The following IGFN1 variants were observed in gnomAD, a reference collection of about 807,000 sequenced individuals.
IGFN1 encodes the protein immunoglobulin like and fibronectin type III domain containing 1, also known as immunoglobulin-like and fibronectin type III domain-containing protein 1.
IGFN1 carries 253 observed loss-of-function variants against 289.5 expected under a neutral mutation model. That is an observed-to-expected ratio of 0.87 (90% CI 0.79 to 0.97). The LOEUF (loss-of-function observed/expected upper bound fraction) is 0.97. Ranked by LOEUF, IGFN1 falls within the 50% of genes least tolerant of loss-of-function variation. The probability of loss-of-function intolerance (pLI) is 0.00; values close to 1 mark genes in which losing one functional copy is unlikely to be tolerated. For missense variants in IGFN1, 4,470 were observed against 4,686.1 expected, an observed-to-expected ratio of 0.95 and a Z score of 1.35; for synonymous variants, 1,706 against 1,788.5, an observed-to-expected ratio of 0.95 and a Z score of 1.16.
intron 10 of IGFN1, among the ~76,000 whole-genome samples, chr1:201,204,784 C>T (rs1473434822): frequency 6.6e-6 from 1 of 152,212 alleles, no homozygotes; most frequent in African/African-American, 2.4e-5. Context: ...AGATAAACTA[C>T]CGGCTCTTAG....
intron 2 of IGFN1, among the ~76,000 whole-genome samples, chr1:201,193,839 C>G (rs921857843): frequency 2.2e-4 from 34 of 152,152 alleles, no homozygotes; most frequent in African/African-American, 8.0e-4. Context: ...TTCTTGGCTT[C>G]CTGAGAAGGA....
chr1:201,201,851 T>TTG lies in IGFN1; in HGVS notation c.747+19_747+20insTG. The TTG allele has an allele frequency of 2.8e-6, 2 of 716,302 alleles. No homozygotes were observed. Among genetic ancestry groups the TTG allele is most frequent in the Non-Finnish European group, 4.9e-6 (2 of 410,276 alleles). 44.4% of individuals were successfully genotyped at this position (716,302 alleles called of 1,614,324 possible). ...GTATAAGGTGAGGCTGGAGGGGCTA[T>TTG]GGGTGGGGGGGATCTGGCAGGGATG... On this transcript the variant is annotated intron_variant, in intron 9 of 23. Coordinates refer to ENST00000335211, the MANE Select transcript of IGFN1 (RefSeq NM_001164586.2).
At chr1:201,195,068 G>C (rs971674023) in intron 3 of IGFN1, among the ~76,000 whole-genome samples, 1 of 152,034 alleles carries the variant, frequency 6.6e-6, no homozygotes, top group Non-Finnish European at 1.5e-5. Context: ...CGGATCCTTC[G>C]GGCACCAAAT....
rs1654051026 is a variant in IGFN1 at position 201,225,878 on chromosome 1, TGACGGCC to T, written c.10544_10550del (p.Thr3515SerfsTer84). 2.5e-6 allele frequency: 4 copies of T among 1,612,938 alleles called. No homozygotes were observed. In the Admixed American group the frequency reaches 5.0e-5, roughly 20 times the overall value. On this transcript the variant is annotated frameshift_variant, in exon 22 of 24. Coordinates refer to ENST00000335211, the MANE Select transcript of IGFN1 (RefSeq NM_001164586.2). LOFTEE classifies it high-confidence loss of function. Reference sequence around the variant, plus strand: ...CTGCAGGAGAACGTGCCTGGGACGGTGACGGCCGAGTGGGAACCCTCTCCTGACGAGG... The same window carrying T: ...CTGCAGGAGAACGTGCCTGGGACGGTGAGTGGGAACCCTCTCCTGACGAGG...
intron 2 of IGFN1, 32 bp from the exon 3 acceptor site, chr1:201,194,122 G>A: frequency 1.9e-6 from 3 of 1,549,190 alleles, no homozygotes; most frequent in Non-Finnish European, 2.6e-6. Flanking sequence ...GAAGGTGGAA[G>A]GCCCCATCTC....
intron 23 of IGFN1, 98 bp from the exon 24 acceptor site, chr1:201,228,288 G>A: frequency 2.5e-6 from 3 of 1,209,968 alleles, no homozygotes; most frequent in Non-Finnish European, 3.7e-6. Flanking sequence ...GGCAGAGCCT[G>A]TAGTCTAAGC....
Position 201,208,688 on chromosome 1 carries a change from A to T in IGFN1, c.3795A>T (p.Ala1265=), listed in dbSNP as rs1192437895. The change falls in exon 12 of 24, where the codon GCA becomes GCT. Residue 1265 remains alanine, a synonymous_variant. Coordinates refer to ENST00000335211, the MANE Select transcript of IGFN1 (RefSeq NM_001164586.2). ...GSGGLQGMGS[A]DGPGCRKGIG... Reference sequence around the variant, plus strand: ...GAGGCCTCCAAGGAATGGGATCAGCAGATGGGCCAGGTTGTAGGAAGGGTA... The same window carrying T: ...GAGGCCTCCAAGGAATGGGATCAGCTGATGGGCCAGGTTGTAGGAAGGGTA... The T allele has an allele frequency of 6.5e-7, 1 of 1,536,910 alleles. No individual in the cohort carries two copies. The highest frequency in any genetic ancestry group is 8.7e-7 in the Non-Finnish European group (1 of 1,146,788).
Position 201,206,176 on chromosome 1 carries a change from TCGAGAGC to T in IGFN1, c.1285_1291del (p.Glu429ArgfsTer27). 1 of 1,550,390 alleles carries T rather than the reference TCGAGAGC, an allele frequency of 6.4e-7. No individual in the cohort carries two copies. Among genetic ancestry groups the T allele is most frequent in the South Asian group, 1.2e-5 (1 of 83,978 alleles). ...TCAGGAGCAGAAGAGTCTGGGAGCA[TCGAGAGC>T]CAGGGAGAGAAATCCAGAGAGCAGG... On this transcript the variant is annotated frameshift_variant, in exon 12 of 24. Coordinates refer to ENST00000335211, the MANE Select transcript of IGFN1 (RefSeq NM_001164586.2). LOFTEE classifies it high-confidence loss of function.
intron 16 of IGFN1, 130 bp downstream of exon 16, chr1:201,216,883 A>T: frequency 1.5e-6 from 1 of 688,980 alleles, no homozygotes; most frequent in Non-Finnish European, 2.4e-6. Flanking sequence ...CTTCTGTAGC[A>T]CTCTGGAGAC....
chr1:201,211,817 G>A lies in IGFN1; in HGVS notation c.6924G>A (p.Leu2308=), dbSNP rs1382036856. Residue 2308 remains leucine (L), a synonymous_variant, in exon 12 of 24, where the codon TTG becomes TTA. Coordinates refer to ENST00000335211, the MANE Select transcript of IGFN1 (RefSeq NM_001164586.2). ...LGSEAGSRGS[L]EDSGYILSWN... is the part of the protein sequence containing the mutation. ...GCGAGGCAGGTTCTAGGGGTAGTTT[G>A]GAGGATTCTGGGTACATTTTGTCAT... is the stretch of plus-strand genomic sequence containing the variant. 6.5e-7 allele frequency: 1 copy of A among 1,536,652 alleles called. No homozygotes were observed. The highest frequency in any genetic ancestry group is 2.4e-5 in the East Asian group (1 of 40,906).
chr1:201,211,751 T>C lies in IGFN1; in HGVS notation c.6858T>C (p.Tyr2286=), dbSNP rs1667819338. The stretch of plus-strand genomic sequence containing the variant: ...TCAGTTCAGGGGATGAGGCAGGTTA[T>C]AAGAATGTTTTAGGGGGTTCTGGGA... ...GKISSGDEAG[Y]KNVLGGSGRN... is the part of the protein sequence containing the mutation. Residue 2286 remains tyrosine (Y), a synonymous_variant, in exon 12 of 24, where the codon TAT becomes TAC. Coordinates refer to ENST00000335211, the MANE Select transcript of IGFN1 (RefSeq NM_001164586.2). The C allele has an allele frequency of 6.5e-7, 1 of 1,536,822 alleles. No homozygotes were observed. Among genetic ancestry groups the C allele is most frequent in the Non-Finnish European group, 8.7e-7 (1 of 1,146,736 alleles).
At chr1:201,226,754 C>A (rs1354837877) in intron 22 of IGFN1, 128 bp from the exon 23 acceptor site, 1 of 735,140 alleles carries the variant, frequency 1.4e-6, no homozygotes, top group Non-Finnish European at 2.3e-6. Flanking sequence ...AATTTGCAGG[C>A]AAGATGTGGC....
In IGFN1 at chr1:201,211,754, G is replaced by C; in HGVS notation, c.6861G>C (p.Lys2287Asn). 6.5e-7 allele frequency: 1 copy of C among 1,536,932 alleles called. No individual in the cohort carries two copies. The highest frequency in any genetic ancestry group is 1.7e-4 in the Middle Eastern group (1 of 5,986). Residue 2287 changes from lysine to asparagine, a missense_variant, in exon 12 of 24, where the codon AAG (lysine) becomes AAC (asparagine). This residue lies in a region of IGFN1 where 2,218 missense variants were observed against 2,114.1 expected (regional missense o/e 1.05). Coordinates refer to ENST00000335211, the MANE Select transcript of IGFN1 (RefSeq NM_001164586.2). ...GTTCAGGGGATGAGGCAGGTTATAA[G>C]AATGTTTTAGGGGGTTCTGGGAGGA... ...KISSGDEAGY[K>N]NVLGGSGRNP...
At position 201,194,178 on chromosome 1, in the gene IGFN1, C is replaced by G. The variant is rs41313898; in HGVS notation, c.32C>G (p.Pro11Arg). ...GGAAAGCTCCGGAAGTCCCACATCC[C>G]TGGAGTGAGCATCTGGCAGCTGGTG... is the stretch of plus-strand genomic sequence containing the variant. MAGKLRKSHI[P>R]GVSIWQLVEE... is the part of the protein sequence containing the mutation. The change falls in exon 3 of 24, where the codon CCT (proline) becomes CGT (arginine). Residue 11 changes from proline (P) to arginine (R), a missense_variant. Physicochemically the swap from Pro to Arg is moderately radical, Grantham distance 103 (BLOSUM62 -2). Coordinates refer to ENST00000335211, the MANE Select transcript of IGFN1 (RefSeq NM_001164586.2). 10,527 of 1,551,644 alleles carry G rather than the reference C, an allele frequency of 6.8e-3. 48 individuals are homozygous for G. The highest frequency in any genetic ancestry group is 8.4e-3 in the Non-Finnish European group (9,601 of 1,146,958).
At chr1:201,216,052 G>A (rs1653240618) in intron 15 of IGFN1, 1 of 723,222 alleles carries the variant, frequency 1.4e-6, no homozygotes, top group Non-Finnish European at 2.5e-6. Flanking sequence ...TGGGGGGGAG[G>A]AGCCGGTTAT....
At position 201,208,493 on chromosome 1, in the gene IGFN1, T is replaced by C; in HGVS notation, c.3600T>C (p.Ser1200=). The change falls in exon 12 of 24, where the codon TCT becomes TCC. Residue 1200 remains serine (S), a synonymous_variant. Coordinates refer to ENST00000335211, the MANE Select transcript of IGFN1 (RefSeq NM_001164586.2). The part of the protein sequence containing the change: ...ESLAPHNGAA[S]GSQWAYGAGN... ...TCGCACCTCACAATGGGGCCGCTTC[T>C]GGGAGCCAGTGGGCTTATGGGGCTG... The C allele has an allele frequency of 6.9e-7, 1 of 1,448,366 alleles. No homozygotes were observed. Among genetic ancestry groups the C allele is most frequent in the African/African-American group, 1.4e-5 (1 of 69,948 alleles). The allele number at this position is 1,448,366 out of a possible 1,614,324, so 89.7% of individuals were successfully genotyped here.
rs1402481264 is a variant in IGFN1 at position 201,206,507 on chromosome 1, A to T, written c.1614A>T (p.Lys538Asn). The change falls in exon 12 of 24, where the codon AAA (lysine) becomes AAT (asparagine). Residue 538 changes from lysine to asparagine, a missense_variant. Physicochemically the swap from Lys to Asn is moderately conservative, Grantham distance 94. Transcript: ENST00000335211. Reference protein sequence around the residue: ...SSESGLGLPEKQQQDRGRDSN... With the variant: ...SSESGLGLPENQQQDRGRDSN... ...AATCAGGGTTGGGCCTCCCAGAAAA[A>T]CAACAGCAAGATCGTGGCAGAGACA... The T allele has an allele frequency of 1.9e-6, 3 of 1,551,324 alleles. No individual in the cohort carries two copies. The highest frequency in any genetic ancestry group is 2.6e-6 in the Non-Finnish European group (3 of 1,146,982).
chr1:201,215,152 AG>A lies in IGFN1; in HGVS notation c.8995+1del. ...CAGAGCGAGGCCACCCTGACCGTCC[AG>A]GGTAAGGCCCAGCCCTGCCCTGCCC... ...DQQSEATLTV[Q>X]DSPTIAPDVT... is the part of the protein sequence containing the mutation. On this transcript the variant is annotated frameshift_variant and splice_region_variant, in exon 14 of 24. Transcript: ENST00000335211. LOFTEE classifies it high-confidence loss of function. 1.9e-6 allele frequency: 3 copies of A among 1,612,462 alleles called. No individual in the cohort carries two copies. In the African/African-American group the frequency reaches 4.0e-5, roughly 22 times the overall value.
chr1:201,218,853 G>C (rs1415484687), intron 18 of IGFN1, among the ~76,000 whole-genome samples, 195 bp downstream of exon 18: 4 of 152,098 alleles, frequency 2.6e-5, no homozygotes, highest in African/African-American at 4.8e-5. Context: ...AGCTCAAACA[G>C]GCCCAGAAGC....
Sources: allele counts gnomAD v4.1 joint callset (sites outside exome capture counted in the v4.1 genomes callset), GRCh38; gene constraint gnomAD v4.1.1; regional missense constraint gnomAD v4.1.1; transcripts MANE v1.5; gene names NCBI Gene and HGNC (gene_info 2026-07-23, HGNC 2026-07-21).